The following MTTP variants were observed in gnomAD, a reference collection of about 807,000 sequenced individuals.
MTTP encodes microsomal triglyceride transfer protein large subunit.
In MTTP, 49 loss-of-function variants were observed where a neutral mutation model predicts 90.6. The ratio of observed to expected loss-of-function variants is 0.54; its 90% CI spans 0.43 to 0.69. MTTP has a LOEUF of 0.69. Ranked by LOEUF, MTTP falls within the 30% of genes least tolerant of loss-of-function variation. MTTP has a pLI of 0.00. For missense variants in MTTP, 945 were observed against 1,067.5 expected (o/e 0.89, Z 1.60); for synonymous variants, 347 against 384.2 (o/e 0.90, Z 1.13).
At chr4:99,579,581 T>C (rs748321266) in intron 1 of MTTP, among the ~76,000 whole-genome samples, 1 of 152,182 alleles carries the variant, frequency 6.6e-6, no homozygotes, top group Non-Finnish European at 1.5e-5. Flanking sequence ...CCATTCCCTT[T>C]CCTGCTTCAG....
At chr4:99,575,168 A>AT (rs1724927581) in intron 1 of MTTP, among the ~76,000 whole-genome samples, 198 bp downstream of exon 1, 2 of 152,204 alleles carry the variant, frequency 1.3e-5, no homozygotes, top group South Asian at 4.1e-4. Flanking sequence ...CCCTACAAAC[A>AT]TTAAGAAAAC....
intron 3 of MTTP, among the ~76,000 whole-genome samples, chr4:99,587,713 T>C (rs1454806694): frequency 6.6e-6 from 1 of 152,168 alleles, no homozygotes; most frequent in Non-Finnish European, 1.5e-5. Flanking sequence ...ATGGGCCATA[T>C]AGACATGTGT....
intron 13 of MTTP, 28 bp downstream of exon 13, chr4:99,611,268 T>C: frequency 1.2e-6 from 2 of 1,613,878 alleles, no homozygotes; most frequent in Non-Finnish European, 1.7e-6. Flanking sequence ...AGGTTCTCCT[T>C]CCATACCCCA....
intron 15 of MTTP, among the ~76,000 whole-genome samples, chr4:99,618,140 G>A (rs12152646): frequency 0.19 from 29,236 of 152,108 alleles, 3,241 homozygotes; most frequent in African/African-American, 0.29. Context: ...ACTGTATTAG[G>A]TATTATAAGT....
rs74560086 is a variant in MTTP at position 99,596,089 on chromosome 4, C to T, written c.910-978C>T. 6.4e-4 allele frequency among the ~76,000 whole-genome samples: 98 copies of T among 152,074 alleles called. 1 individual carries two copies. The East Asian group carries it at 0.018, about 28-fold the overall frequency. ...TGAATTCATATTGATATGCTCTCTG[C>T]CTTCAGAAATGACCCAGTAAATCTT... On this transcript the variant is annotated intron_variant, in intron 7 of 17. Coordinates refer to ENST00000265517, the MANE Select transcript of MTTP (RefSeq NM_001386140.1).
In MTTP at chr4:99,606,890, G is replaced by C. The variant is rs764711762; in HGVS notation, c.1487G>C (p.Gly496Ala). 1 of 1,613,952 alleles carries C rather than the reference G, an allele frequency of 6.2e-7. No homozygotes were observed. The highest frequency in any genetic ancestry group is 8.5e-7 in the Non-Finnish European group (1 of 1,179,962). ...AGTCTTCTGAAGTATGCAGAAGCAG[G>C]AGAAGGGCCCATCAGCCACCTGGCT... Reference protein sequence around the residue: ...IPSLLKYAEAGEGPISHLATT... With the variant: ...IPSLLKYAEAAEGPISHLATT... Residue 496 changes from glycine to alanine, a missense_variant, in exon 11 of 18, where the codon GGA (glycine) becomes GCA (alanine). Coordinates refer to ENST00000265517, the MANE Select transcript of MTTP (RefSeq NM_001386140.1).
chr4:99,605,074 G>A (rs1417207811), intron 10 of MTTP, among the ~76,000 whole-genome samples: 1 of 151,948 alleles, frequency 6.6e-6, no homozygotes, highest in Non-Finnish European at 1.5e-5. Flanking sequence ...ACTGAATTTT[G>A]ATAATTTTCC....
chr4:99,570,335 A>T (rs1724814066), upstream of MTTP, among the ~76,000 whole-genome samples: 1 of 151,966 alleles, frequency 6.6e-6, no homozygotes, highest in Admixed American at 6.6e-5. Context: ...CAACATTCTA[A>T]TGTCTCCTAA....
chr4:99,609,353 T>G (rs748208280), intron 12 of MTTP, among the ~76,000 whole-genome samples: 20 of 152,240 alleles, frequency 1.3e-4, no homozygotes, highest in Non-Finnish European at 2.9e-4. Flanking sequence ...TTAGGAATTT[T>G]TGAAGCCTCA....
intron 10 of MTTP, among the ~76,000 whole-genome samples, chr4:99,602,111 G>C (rs879220682): frequency 2.0e-5 from 3 of 152,058 alleles, no homozygotes; most frequent in Admixed American, 2.0e-4. Context: ...TGTTTTCAGA[G>C]AAATATTAGA....
intron 14 of MTTP, among the ~76,000 whole-genome samples, chr4:99,612,429 G>A (rs912457026): frequency 6.7e-6 from 1 of 150,084 alleles, no homozygotes; most frequent in African/African-American, 2.5e-5. Context: ...TCATGGCTTA[G>A]AGAATACCAT....
chr4:99,566,297 GAAA>G (rs567380343), intron 1 of MTTP, among the ~76,000 whole-genome samples: 20 of 117,538 alleles, frequency 1.7e-4, no homozygotes, highest in African/African-American at 4.7e-4. Flanking sequence ...TCAAAAAAAA[GAAA>G]AAAAAAAAAA....
At chr4:99,580,723 G>A (rs561059863) in intron 1 of MTTP, among the ~76,000 whole-genome samples, 3 of 151,498 alleles carry the variant, frequency 2.0e-5, no homozygotes, top group South Asian at 2.1e-4. Context: ...TTAGATTTTT[G>A]TGAGGATTAA....
At chr4:99,575,088 C>T in intron 1 of MTTP, 118 bp downstream of exon 1, 1 of 1,176,214 alleles carries the variant, frequency 8.5e-7, no homozygotes, top group Non-Finnish European at 1.3e-6. Context: ...ACTAAACTAT[C>T]TTCAAAACCA....
At chr4:99,587,330 T>C (rs1477728345) in intron 3 of MTTP, among the ~76,000 whole-genome samples, 4 of 152,140 alleles carry the variant, frequency 2.6e-5, no homozygotes, top group Non-Finnish European at 5.9e-5. Flanking sequence ...ATTTTTCTAG[T>C]TCTGGGGAAG....
At chr4:99,613,855 A>C (rs1272567833) in intron 15 of MTTP, among the ~76,000 whole-genome samples, 1 of 152,188 alleles carries the variant, frequency 6.6e-6, no homozygotes, top group Admixed American at 6.5e-5. Context: ...GGTCTGCCTA[A>C]TTAGATTTTC....
At chr4:99,583,223 A>T in intron 2 of MTTP, 151 bp from the exon 3 acceptor site, 1 of 851,602 alleles carries the variant, frequency 1.2e-6, no homozygotes, top group Non-Finnish European at 1.8e-6. Flanking sequence ...TTTTAAAGTG[A>T]GTGGCAAGGT....
intron 1 of MTTP, among the ~76,000 whole-genome samples, chr4:99,569,134 A>G (rs1367280282): frequency 6.6e-6 from 1 of 152,178 alleles, no homozygotes; most frequent in South Asian, 2.1e-4. Flanking sequence ...GAGATAAATC[A>G]TGTTGATATT....
Position 99,623,317 on chromosome 4 carries a change from A to T in MTTP, c.*469A>T, listed in dbSNP as rs1020056433. 6.2e-6 allele frequency: 1 copy of T among 161,484 alleles called. No individual in the cohort carries two copies. Among genetic ancestry groups the T allele is most frequent in the Non-Finnish European group, 1.4e-5 (1 of 73,548 alleles). 10.0% of individuals were successfully genotyped at this position (161,484 alleles called of 1,614,324 possible). On this transcript the variant is annotated 3_prime_UTR_variant, in exon 18 of 18. Transcript: ENST00000265517. ...AAAAAAAAAAAGTAAGACACAAACA[A>T]ACCATTTTTTTTCTCTTTTTTTGGA... is the stretch of plus-strand genomic sequence containing the variant.
Sources: gnomAD v4.1 joint callset for allele counts (sites outside exome capture counted in the v4.1 genomes callset) on GRCh38, gnomAD v4.1.1 for gene constraint, MANE v1.5 for transcripts, NCBI Gene and HGNC (gene_info 2026-07-23, HGNC 2026-07-21) for gene names.